Variants in ZFAT observed in about 807,000 individuals in gnomAD.
ZFAT encodes the protein zinc finger and AT-hook domain containing.
Under a neutral mutation model 117.7 loss-of-function variants are expected in ZFAT, and 64 were observed. That is an observed-to-expected ratio of 0.54 (90% confidence interval 0.44 to 0.67). ZFAT has a LOEUF of 0.67. Among genes scored for constraint, ZFAT ranks in the 30% least tolerant of loss-of-function variants. The probability of loss-of-function intolerance (pLI) is 0.00; values close to 1 mark genes in which losing one functional copy is unlikely to be tolerated. For missense variants in ZFAT, 1,433 were observed against 1,584.5 expected, an observed-to-expected ratio of 0.90 and a Z score of 1.62; for synonymous variants, 679 against 615.0, an observed-to-expected ratio of 1.10 and a Z score of -1.54.
intron 1 of ZFAT, among the ~76,000 whole-genome samples, chr8:134,678,330 C>T (rs1474979255): frequency 1.3e-5 from 2 of 152,166 alleles, no homozygotes; most frequent in African/African-American, 4.8e-5. Context: ...CATGAGTGAA[C>T]TCCCATTCAC....
At chr8:134,512,358 G>T in intron 14 of ZFAT, 117 bp downstream of exon 14, 1 of 1,452,642 alleles carries the variant, frequency 6.9e-7, no homozygotes. Flanking sequence ...TCTGAACGCT[G>T]GGTCAGGGAT....
chr8:134,720,486 T>C, the ZFAT span, among the ~76,000 whole-genome samples: 2 of 152,284 alleles, frequency 1.3e-5, no homozygotes, highest in Admixed American at 6.5e-5. Context: ...CAAGAGTCTT[T>C]CAACCAAAGA....
At chr8:134,713,591 GTC>G, upstream of ZFAT, among the ~76,000 whole-genome samples, 1 of 152,120 alleles carries the variant, frequency 6.6e-6, no homozygotes, top group African/African-American at 2.4e-5. Flanking sequence ...CTCCTCTCTC[GTC>G]TCTTTTTGTC....
chr8:134,692,562 G>T (rs992006159), intron 1 of ZFAT, among the ~76,000 whole-genome samples: 1 of 152,258 alleles, frequency 6.6e-6, no homozygotes, highest in East Asian at 1.9e-4. Flanking sequence ...ACTGAAATAC[G>T]CTCACCTCCA....
intron 3 of ZFAT, among the ~76,000 whole-genome samples, chr8:134,634,673 A>C: frequency 6.6e-6 from 1 of 152,230 alleles, no homozygotes; most frequent in East Asian, 1.9e-4. Context: ...GTTTTCATCA[A>C]GTGTACCCTG....
the ZFAT span, among the ~76,000 whole-genome samples, chr8:134,757,009 C>CTTTT: frequency 6.3e-4 from 51 of 81,214 alleles, 2 homozygotes; most frequent in Admixed American, 8.5e-4. Flanking sequence ...ACCTTCTTTC[C>CTTTT]TTTTTTTTTT....
chr8:134,566,589 T>C (rs1824486311), intron 10 of ZFAT, among the ~76,000 whole-genome samples: 1 of 152,274 alleles, frequency 6.6e-6, no homozygotes, highest in Non-Finnish European at 1.5e-5. Flanking sequence ...CAGTAAAGAA[T>C]TCAACAAGTA....
intron 1 of ZFAT, among the ~76,000 whole-genome samples, chr8:134,683,926 GA>G (rs1003259126): frequency 6.6e-6 from 1 of 151,656 alleles, no homozygotes; most frequent in Non-Finnish European, 1.5e-5. Context: ...TTCTGGGAAA[GA>G]AAAAAAAGAA....
chr8:134,512,490 A>G lies in ZFAT; in HGVS notation c.3346T>C (p.Tyr1116His). 6.2e-7 allele frequency: 1 copy of G among 1,614,034 alleles called. No individual in the cohort carries two copies. The highest frequency in any genetic ancestry group is 1.1e-5 in the South Asian group (1 of 91,084). The change falls in exon 14 of 16, where the codon TAC becomes CAC. Residue 1116 changes from tyrosine (Y) to histidine (H), a missense_variant. Transcript: ENST00000377838. ...GCGTCCTCACCACTCTCAGAGGTGTATCTCAGGTCCTGGAGCGCGGCCACC... is the reference window on the plus strand; with the variant it reads ...GCGTCCTCACCACTCTCAGAGGTGTGTCTCAGGTCCTGGAGCGCGGCCACC... ...AAVAALQDLR[Y>H]TSESGDRLDP...
Position 134,581,061 on chromosome 8 carries a change from A to G in ZFAT, c.2887+2771T>C, listed in dbSNP as rs1825680188. On this transcript the variant is annotated intron_variant, in intron 10 of 15. Transcript: ENST00000377838. ...AGATACAAAGAGCTGTAAGACATCAACAAGATAAAATATGAGCACTACAGA... is the reference window on the plus strand; with the variant it reads ...AGATACAAAGAGCTGTAAGACATCAGCAAGATAAAATATGAGCACTACAGA... 3.3e-5 allele frequency among the ~76,000 whole-genome samples: 5 copies of G among 152,220 alleles called. No individual in the cohort carries two copies. In the South Asian group the frequency reaches 1.0e-3, roughly 32 times the overall value.
chr8:134,719,581 CT>C, the ZFAT span, among the ~76,000 whole-genome samples: 1 of 152,116 alleles, frequency 6.6e-6, no homozygotes, highest in African/African-American at 2.4e-5. Flanking sequence ...TAAAAGGGCA[CT>C]GGTGGGGAGT....
intron 3 of ZFAT, among the ~76,000 whole-genome samples, chr8:134,631,484 G>A (rs1050960541): frequency 2.0e-5 from 3 of 152,188 alleles, no homozygotes; most frequent in Non-Finnish European, 4.4e-5. Context: ...GATCATCATC[G>A]CTTCTGCATC....
chr8:134,817,328 T>C, the ZFAT span, among the ~76,000 whole-genome samples: 2 of 151,448 alleles, frequency 1.3e-5, no homozygotes, highest in South Asian at 2.1e-4. Flanking sequence ...CTATGAATTT[T>C]GGACTTGCCA....
intron 13 of ZFAT, among the ~76,000 whole-genome samples, chr8:134,520,347 C>A (rs955163950): frequency 6.6e-6 from 1 of 152,114 alleles, no homozygotes. Flanking sequence ...TGCAATTAGT[C>A]CGTGGTGGCA....
the ZFAT span, among the ~76,000 whole-genome samples, chr8:134,822,014 A>G: frequency 6.6e-6 from 1 of 152,218 alleles, no homozygotes; most frequent in African/African-American, 2.4e-5. Context: ...CATTAAAGAT[A>G]GATACAGCGT....
At chr8:134,746,862 T>C in the ZFAT span, among the ~76,000 whole-genome samples, 1 of 152,222 alleles carries the variant, frequency 6.6e-6, no homozygotes, top group Non-Finnish European at 1.5e-5. Flanking sequence ...CCACGCTTTG[T>C]GAAAATTGAG....
chr8:134,653,773 A>C (rs1316202873), intron 2 of ZFAT, among the ~76,000 whole-genome samples: 2 of 152,222 alleles, frequency 1.3e-5, no homozygotes, highest in Non-Finnish European at 2.9e-5. Context: ...TACTGAAATG[A>C]AGAAATATCC....
chr8:134,714,120 C>CA (rs1206014420), upstream of ZFAT, among the ~76,000 whole-genome samples: 176 of 64,592 alleles, frequency 2.7e-3, 1 homozygote, highest in African/African-American at 5.5e-3. Flanking sequence ...CCCCCCCCCC[C>CA]AAAAAAAAAA....
the ZFAT span, among the ~76,000 whole-genome samples, chr8:134,749,343 A>G: frequency 6.6e-6 from 1 of 152,190 alleles, no homozygotes; most frequent in African/African-American, 2.4e-5. Flanking sequence ...TAAACAACAG[A>G]AATTTATTGC....
Sources: gnomAD v4.1 joint callset for allele counts (sites outside exome capture counted in the v4.1 genomes callset) on GRCh38, gnomAD v4.1.1 for gene constraint, MANE v1.5 for transcripts, NCBI Gene and HGNC (gene_info 2026-07-23, HGNC 2026-07-21) for gene names.